DSCAM: variants seen among roughly 807,000 people sequenced by gnomAD.
DSCAM encodes DS cell adhesion molecule.
A neutral mutation model predicts 217.7 loss-of-function variants in DSCAM; 47 were observed. The observed-to-expected ratio is 0.22, with a 90% CI of 0.17 to 0.28. DSCAM has a LOEUF of 0.28. DSCAM is among the 10% of genes least tolerant of loss of function. The pLI is 1.00. For missense variants in DSCAM, 2,080 were observed against 2,618.3 expected, an observed-to-expected ratio of 0.79 and a Z score of 4.49; for synonymous variants, 1,056 against 1,015.3, an observed-to-expected ratio of 1.04 and a Z score of -0.76.
intron 1 of DSCAM, among the ~76,000 whole-genome samples, chr21:40,718,839 A>C (rs188433131): frequency 1.4e-3 from 208 of 152,340 alleles, no homozygotes; most frequent in Admixed American, 3.4e-3. Context: ...AAAAATGGAC[A>C]AAAGTGCTGG....
chr21:40,278,618 G>A (rs370998154), intron 10 of DSCAM, among the ~76,000 whole-genome samples: 119 of 152,036 alleles, frequency 7.8e-4, no homozygotes, highest in African/African-American at 2.7e-3. Context: ...TGTAGTCTTA[G>A]CTACTCCCAA....
At position 40,011,695 on chromosome 21, in the gene DSCAM, C is replaced by G. The variant is rs979527075; in HGVS notation, c.*1339G>C. 1.3e-5 allele frequency: 2 copies of G among 152,094 alleles called. No homozygotes were observed. The highest frequency in any genetic ancestry group is 2.9e-5 in the Non-Finnish European group (2 of 68,038). The allele number at this position is 152,094 out of a possible 1,614,324, so 9.4% of individuals were successfully genotyped here. A position where few individuals can be genotyped will look rare whatever the true frequency, so the allele number is the denominator to read the frequency against. On this transcript the variant is annotated 3_prime_UTR_variant, in exon 33 of 33. Coordinates refer to ENST00000400454, the MANE Select transcript of DSCAM (RefSeq NM_001389.5). ...GTAAATTCTCTCTTAGGATGAGCCA[C>G]ATGGGAGATAAAGTGAGGGAAAGGA... is the stretch of plus-strand genomic sequence containing the variant.
intron 32 of DSCAM, among the ~76,000 whole-genome samples, chr21:40,038,103 A>G (rs1439625351): frequency 6.6e-6 from 1 of 151,930 alleles, no homozygotes; most frequent in Non-Finnish European, 1.5e-5. Context: ...GGACATAAGC[A>G]TGGGTAAGGA....
intron 1 of DSCAM, among the ~76,000 whole-genome samples, chr21:40,772,010 C>A (rs1006669531): frequency 6.6e-6 from 1 of 152,086 alleles, no homozygotes; most frequent in Non-Finnish European, 1.5e-5. Flanking sequence ...AACATATTCA[C>A]TTTTGCTACA....
intron 3 of DSCAM, among the ~76,000 whole-genome samples, chr21:40,577,620 G>C (rs1407707187): frequency 1.3e-5 from 2 of 152,170 alleles, no homozygotes; most frequent in Admixed American, 1.3e-4. Context: ...AGCCGGCGAC[G>C]AGAGACGGCT....
intron 1 of DSCAM, among the ~76,000 whole-genome samples, chr21:40,747,778 T>C (rs992951194): frequency 6.6e-6 from 1 of 151,802 alleles, no homozygotes; most frequent in African/African-American, 2.4e-5. Flanking sequence ...AAAAGGAAGC[T>C]ATAGGCCAAT....
At chr21:40,392,998 A>T (rs2075147816) in intron 3 of DSCAM, among the ~76,000 whole-genome samples, 1 of 152,230 alleles carries the variant, frequency 6.6e-6, no homozygotes, top group Admixed American at 6.5e-5. Context: ...TTATTAGTGC[A>T]TGTTAGATAT....
At chr21:40,352,923 C>A (rs2074648507) in intron 5 of DSCAM, among the ~76,000 whole-genome samples, 1 of 152,126 alleles carries the variant, frequency 6.6e-6, no homozygotes, top group African/African-American at 2.4e-5. Context: ...CAAATAAATC[C>A]ATTATATTTG....
At chr21:40,679,959 C>T (rs372725252) in intron 3 of DSCAM, among the ~76,000 whole-genome samples, 2 of 152,090 alleles carry the variant, frequency 1.3e-5, no homozygotes, top group Admixed American at 6.6e-5. Flanking sequence ...CCACGGTGTC[C>T]TGACCTTCTG....
chr21:40,052,198 T>A, intron 29 of DSCAM, 91 bp from the exon 30 acceptor site: 1 of 1,428,778 alleles, frequency 7.0e-7, no homozygotes, highest in Non-Finnish European at 9.5e-7. Context: ...ACTTGTGTTA[T>A]TGTTAATGAC....
At chr21:40,773,764 G>A (rs902546563) in intron 1 of DSCAM, among the ~76,000 whole-genome samples, 1 of 152,174 alleles carries the variant, frequency 6.6e-6, no homozygotes, top group African/African-American at 2.4e-5. Flanking sequence ...GAATTCTAGG[G>A]GAAGTTCCCC....
At chr21:40,783,502 C>T (rs540766374) in intron 1 of DSCAM, among the ~76,000 whole-genome samples, 59 of 152,126 alleles carry the variant, frequency 3.9e-4, no homozygotes, top group Non-Finnish European at 6.5e-4. Context: ...CAAGAAACCA[C>T]TAAAAGGCCT....
At chr21:40,410,928 T>C (rs1440635051) in intron 3 of DSCAM, among the ~76,000 whole-genome samples, 1 of 152,114 alleles carries the variant, frequency 6.6e-6, no homozygotes, top group Admixed American at 6.6e-5. Context: ...GTGAGGAGCA[T>C]GAGAGTCAGA....
chr21:40,093,971 C>A, intron 20 of DSCAM, 97 bp from the exon 21 acceptor site: 4 of 1,287,302 alleles, frequency 3.1e-6, no homozygotes, highest in African/African-American at 3.0e-5. Context: ...AATATCATAA[C>A]AAAAAAACTC....
Position 40,025,464 on chromosome 21 carries a change from A to T in DSCAM, c.5687-12078T>A, listed in dbSNP as rs1284358067. Reference sequence around the variant, plus strand: ...AGGAATGGTACCAGTTCCTCCTTGTACCTCTGGTAGAATTCGGCTGTGAAT... The same window carrying T: ...AGGAATGGTACCAGTTCCTCCTTGTTCCTCTGGTAGAATTCGGCTGTGAAT... On this transcript the variant is annotated intron_variant, in intron 32 of 32. Transcript: ENST00000400454. Among the ~76,000 whole-genome samples the T allele has an allele frequency of 2.0e-5, 3 of 146,710 alleles. No individual in the cohort carries two copies. The East Asian group carries it at 5.9e-4, about 29-fold the overall frequency.
intron 32 of DSCAM, among the ~76,000 whole-genome samples, chr21:40,033,450 T>C (rs2088569736): frequency 6.6e-6 from 1 of 152,140 alleles, no homozygotes; most frequent in Admixed American, 6.5e-5. Context: ...CCCACCCGAA[T>C]ACTGCGCTTT....
Position 40,406,053 on chromosome 21 carries a change from C to T in DSCAM, c.509-36808G>A, listed in dbSNP as rs914211191. 2.0e-5 allele frequency among the ~76,000 whole-genome samples: 3 copies of T among 152,092 alleles called. 1 individual carries two copies. The highest frequency in any genetic ancestry group is 4.2e-4 in the South Asian group (2 of 4,816). Reference sequence around the variant, plus strand: ...GCCAAGGGGTATATGATAAAATGCTCAACATTGCTGATCATCAGGGAAGTG... The same window carrying T: ...GCCAAGGGGTATATGATAAAATGCTTAACATTGCTGATCATCAGGGAAGTG... On this transcript the variant is annotated intron_variant, in intron 3 of 32. Coordinates refer to ENST00000400454, the MANE Select transcript of DSCAM (RefSeq NM_001389.5).
chr21:40,123,034 G>A (rs149081119), intron 20 of DSCAM, among the ~76,000 whole-genome samples: 16 of 152,334 alleles, frequency 1.1e-4, no homozygotes, highest in Admixed American at 5.9e-4. Flanking sequence ...CAAGTGAAAC[G>A]AGCTGGTCAC....
intron 22 of DSCAM, 60 bp from the exon 23 acceptor site, chr21:40,085,825 T>C: frequency 7.3e-7 from 1 of 1,370,026 alleles, no homozygotes; most frequent in Non-Finnish European, 9.6e-7. Flanking sequence ...TTAGCTGAGG[T>C]TGGGGAAAAA....
Sources: allele counts gnomAD v4.1 joint callset (sites outside exome capture counted in the v4.1 genomes callset), GRCh38; gene constraint gnomAD v4.1.1; transcripts MANE v1.5; gene names NCBI Gene and HGNC (gene_info 2026-07-23, HGNC 2026-07-21).